The following TAFA5 variants were observed in gnomAD, a reference collection of about 807,000 sequenced individuals.
TAFA5 encodes the protein chemokine-like protein TAFA-5.
In TAFA5, 6 loss-of-function variants were observed where a neutral mutation model predicts 15.3. The ratio of observed to expected loss-of-function variants is 0.39; its 90% CI spans 0.21 to 0.77. The LOEUF is 0.77. Ranked by LOEUF, TAFA5 falls within the 30% of genes least tolerant of loss-of-function variation. The probability of loss-of-function intolerance (pLI) is 0.41; values close to 1 mark genes in which losing one functional copy is unlikely to be tolerated. For missense variants in TAFA5, 161 were observed against 193.1 expected, an observed-to-expected ratio of 0.83 and a Z score of 0.98; for synonymous variants, 103 against 80.7, an observed-to-expected ratio of 1.28 and a Z score of -1.48.
At chr22:48,535,796 CTGTG>C (rs61713532) in intron 1 of TAFA5, among the ~76,000 whole-genome samples, 4,520 of 151,932 alleles carry the variant, frequency 0.03, 201 homozygotes, top group African/African-American at 0.1. Flanking sequence ...TGCACACAGG[CTGTG>C]TGGGTATATG....
intron 2 of TAFA5, among the ~76,000 whole-genome samples, chr22:48,650,423 G>T (rs1406700962): frequency 6.6e-6 from 1 of 152,204 alleles, no homozygotes; most frequent in Non-Finnish European, 1.5e-5. Flanking sequence ...GCCATGCAGT[G>T]CTGCAGGTGC....
At position 48,530,020 on chromosome 22, in the gene TAFA5, C is replaced by G. The variant is rs1921920581; in HGVS notation, c.112+40316C>G. On this transcript the variant is annotated intron_variant, in intron 1 of 3. Coordinates refer to ENST00000402357, the MANE Select transcript of TAFA5 (RefSeq NM_001082967.3). The surrounding 1 kb of genome is among the most constrained non-coding windows in gnomAD (Gnocchi z 6.0). ...GGGCTGTGGGCCCTCTGGACACCCC[C>G]TGAGGACTGAGCTTGTGGCTGCAGA... is the stretch of plus-strand genomic sequence containing the variant. Among the ~76,000 whole-genome samples, 1 of 152,212 alleles carries G rather than the reference C, an allele frequency of 6.6e-6. No homozygotes were observed. The highest frequency in any genetic ancestry group is 2.4e-5 in the African/African-American group (1 of 41,536).
intron 1 of TAFA5, among the ~76,000 whole-genome samples, chr22:48,548,925 T>C (rs8136419): frequency 6.6e-6 from 1 of 152,244 alleles, no homozygotes. Flanking sequence ...CATTGTCTTT[T>C]TGGGAATTAT....
intron 1 of TAFA5, among the ~76,000 whole-genome samples, chr22:48,615,299 A>G (rs959278676): frequency 2.0e-5 from 3 of 152,172 alleles, no homozygotes; most frequent in Non-Finnish European, 4.4e-5. Context: ...GTATCTGCCC[A>G]TGGTGGCAGC....
At chr22:48,610,862 C>T (rs1344452445) in intron 1 of TAFA5, among the ~76,000 whole-genome samples, 1 of 152,110 alleles carries the variant, frequency 6.6e-6, no homozygotes, top group East Asian at 1.9e-4. Context: ...TGGTGGGACA[C>T]GAGAGGCATC....
Position 48,622,839 on chromosome 22 carries a change from G to T in TAFA5, c.113-23758G>T, listed in dbSNP as rs115931475. On this transcript the variant is annotated intron_variant, in intron 1 of 3. Transcript: ENST00000402357. ...CTGCCTCTTTGGAGTCCTGTTGACA[G>T]GTGTGAACAGGTCCCCTGGAGGTCT... 9.5e-3 allele frequency among the ~76,000 whole-genome samples: 1,452 copies of T among 152,338 alleles called. 26 individuals are homozygous for T. The highest frequency in any genetic ancestry group is 0.034 in the African/African-American group (1,395 of 41,556).
chr22:48,643,383 G>A (rs1163111729), intron 1 of TAFA5, among the ~76,000 whole-genome samples: 1 of 152,200 alleles, frequency 6.6e-6, no homozygotes, highest in East Asian at 1.9e-4. Flanking sequence ...CATGGAGTTT[G>A]GTTCGAATTG....
chr22:48,499,075 G>A (rs1370043567), intron 1 of TAFA5, among the ~76,000 whole-genome samples: 7 of 152,160 alleles, frequency 4.6e-5, no homozygotes, highest in South Asian at 2.1e-4. Flanking sequence ...CCAGACCGGC[G>A]GAGCTGCTGG....
chr22:48,569,500 G>A (rs1017794854), intron 1 of TAFA5, among the ~76,000 whole-genome samples: 5 of 152,062 alleles, frequency 3.3e-5, no homozygotes, highest in African/African-American at 7.2e-5. Flanking sequence ...GAGTGTGGCC[G>A]CTACAATCAA....
chr22:48,680,280 G>A (rs111738786), intron 2 of TAFA5, among the ~76,000 whole-genome samples: 3 of 152,234 alleles, frequency 2.0e-5, no homozygotes, highest in South Asian at 2.1e-4. Context: ...GAGCGTGTGC[G>A]TCCCACGACC....
chr22:48,748,829 A>G (rs1360066718), intron 3 of TAFA5, among the ~76,000 whole-genome samples: 2 of 152,080 alleles, frequency 1.3e-5, no homozygotes, highest in African/African-American at 4.8e-5. Flanking sequence ...AATTTAACAC[A>G]AGGCAGATGA....
At chr22:48,645,612 CT>C (rs1926833513) in intron 1 of TAFA5, among the ~76,000 whole-genome samples, 1 of 152,052 alleles carries the variant, frequency 6.6e-6, no homozygotes, top group Admixed American at 6.6e-5. Flanking sequence ...CCCTCGTGCC[CT>C]GTGGGGTATC....
At chr22:48,601,933 G>A (rs751995481) in intron 1 of TAFA5, among the ~76,000 whole-genome samples, 59 of 151,288 alleles carry the variant, frequency 3.9e-4, no homozygotes, top group Non-Finnish European at 6.9e-4. Flanking sequence ...GCTTTGATTC[G>A]TTGATGGGCT....
At chr22:48,618,574 G>A (rs541930988) in intron 1 of TAFA5, among the ~76,000 whole-genome samples, 23 of 152,336 alleles carry the variant, frequency 1.5e-4, no homozygotes, top group African/African-American at 5.3e-4. Context: ...CGTCTGGGAA[G>A]TCCTGGAGGC....
chr22:48,717,900 C>T (rs1173214719), intron 3 of TAFA5, among the ~76,000 whole-genome samples: 1 of 152,240 alleles, frequency 6.6e-6, no homozygotes, highest in Non-Finnish European at 1.5e-5. Context: ...ACCAGGTTGT[C>T]ACCAGAAGTG....
intron 1 of TAFA5, among the ~76,000 whole-genome samples, chr22:48,622,805 G>A (rs956803630): frequency 3.3e-5 from 5 of 152,250 alleles, no homozygotes; most frequent in African/African-American, 1.2e-4. Flanking sequence ...CCCTGACTCA[G>A]TGTGTTGGCT....
chr22:48,510,177 G>A (rs1453684582), intron 1 of TAFA5, among the ~76,000 whole-genome samples: 1 of 152,228 alleles, frequency 6.6e-6, no homozygotes, highest in Non-Finnish European at 1.5e-5. Context: ...GTCAACAAAA[G>A]CAATAACAGA....
intron 1 of TAFA5, among the ~76,000 whole-genome samples, chr22:48,634,426 C>T (rs12157845): frequency 7.4e-5 from 11 of 148,190 alleles, no homozygotes; most frequent in Admixed American, 1.3e-4. Context: ...TTTACTCATT[C>T]ACTCACTCAT....
At chr22:48,579,186 C>G (rs114623212) in intron 1 of TAFA5, among the ~76,000 whole-genome samples, 1,916 of 152,194 alleles carry the variant, frequency 0.013, 38 homozygotes, top group African/African-American at 0.042. Context: ...GGCTGTGAAC[C>G]GAGAGAGAGG....
Sources: gnomAD v4.1 joint callset for allele counts (sites outside exome capture counted in the v4.1 genomes callset) on GRCh38, gnomAD v4.1.1 for gene constraint, Gnocchi (gnomAD v3.1) non-coding constraint, MANE v1.5 for transcripts, NCBI Gene and HGNC (gene_info 2026-07-23, HGNC 2026-07-21) for gene names.